The following CCDC91 variants were observed in gnomAD, a reference collection of about 807,000 sequenced individuals.
CCDC91 encodes the protein coiled-coil domain containing 91, also known as coiled-coil domain-containing protein 91.
A neutral mutation model predicts 63.2 loss-of-function variants in CCDC91; 48 were observed. That is an observed-to-expected ratio of 0.76 (90% confidence interval 0.60 to 0.97). The LOEUF (loss-of-function observed/expected upper bound fraction) is 0.97. Ranked by LOEUF, CCDC91 falls within the 50% of genes least tolerant of loss-of-function variation. The pLI, the probability that CCDC91 is intolerant of heterozygous loss-of-function variation, is 0.00. For missense variants in CCDC91, 500 were observed against 494.6 expected (o/e 1.01, Z -0.10); for synonymous variants, 167 against 165.8 (o/e 1.01, Z -0.06).
At chr12:28,527,136 T>A (rs1168266261) in intron 12 of CCDC91, among the ~76,000 whole-genome samples, 1 of 152,128 alleles carries the variant, frequency 6.6e-6, no homozygotes, top group Non-Finnish European at 1.5e-5. Flanking sequence ...TGGTCTGGAT[T>A]CATATTTGGT....
chr12:28,372,042 ATTC>A (rs1160851496), intron 7 of CCDC91, among the ~76,000 whole-genome samples: 1 of 152,140 alleles, frequency 6.6e-6, no homozygotes, highest in Non-Finnish European at 1.5e-5. Flanking sequence ...ATCCAGTTTT[ATTC>A]TTCTATATGT....
intron 12 of CCDC91, among the ~76,000 whole-genome samples, chr12:28,547,742 G>T (rs887665497): frequency 6.6e-6 from 1 of 152,014 alleles, no homozygotes; most frequent in African/African-American, 2.4e-5. Context: ...TGATTTTACA[G>T]GAGCATTTTG....
chr12:28,327,847 T>A lies in CCDC91; in HGVS notation c.576+20098T>A, dbSNP rs141315564. Among the ~76,000 whole-genome samples the A allele has an allele frequency of 3.2e-4, 48 of 152,224 alleles. No individual in the cohort carries two copies. The East Asian group carries it at 8.1e-3, about 26-fold the overall frequency. ...TCTTCAGAGGCCAAGTGAGCTGCCA[T>A]GTTGAATCTCATCAGTCTTAGCAGG... On this transcript the variant is annotated intron_variant, in intron 6 of 12. Coordinates refer to ENST00000536442, the MANE Select transcript of CCDC91 (RefSeq NM_018318.5).
At chr12:28,290,442 C>A (rs1216723586) in intron 3 of CCDC91, among the ~76,000 whole-genome samples, 1 of 152,120 alleles carries the variant, frequency 6.6e-6, no homozygotes, top group African/African-American at 2.4e-5. Context: ...ACCATTAGGT[C>A]TTTGTTCTTT....
At chr12:28,423,775 T>G (rs991950437) in intron 8 of CCDC91, among the ~76,000 whole-genome samples, 1 of 152,164 alleles carries the variant, frequency 6.6e-6, no homozygotes. Flanking sequence ...TAAAAACTAA[T>G]GTAATTTAAT....
chr12:28,286,782 T>G (rs1219630412), intron 3 of CCDC91, among the ~76,000 whole-genome samples: 2 of 152,206 alleles, frequency 1.3e-5, no homozygotes, highest in Non-Finnish European at 2.9e-5. Context: ...TTTAAGGAAT[T>G]GCCACACAGC....
At chr12:28,283,722 T>C (rs1057083671) in intron 3 of CCDC91, among the ~76,000 whole-genome samples, 2 of 152,196 alleles carry the variant, frequency 1.3e-5, no homozygotes, top group African/African-American at 4.8e-5. Flanking sequence ...ATGTATAGCT[T>C]ATACATATAG....
intron 11 of CCDC91, among the ~76,000 whole-genome samples, 169 bp from the exon 12 acceptor site, chr12:28,483,883 C>T (rs1432285394): frequency 6.6e-6 from 1 of 152,106 alleles, no homozygotes; most frequent in Non-Finnish European, 1.5e-5. Flanking sequence ...GTTCTGTGAA[C>T]TCTCTAACAG....
Position 28,501,549 on chromosome 12 carries a change from G to A in CCDC91, c.1215+17384G>A, listed in dbSNP as rs574447636. Among the ~76,000 whole-genome samples the A allele has an allele frequency of 2.2e-3, 336 of 151,900 alleles. 3 individuals are homozygous for A. The highest frequency in any genetic ancestry group is 7.7e-3 in the African/African-American group (318 of 41,480). On this transcript the variant is annotated intron_variant, in intron 12 of 12. Transcript: ENST00000536442. ...TATTGAACCAGCCTTGCATCCCAGGGATGAAGCCCACTTGATCATGGTGGA... is the reference window on the plus strand; with the variant it reads ...TATTGAACCAGCCTTGCATCCCAGGAATGAAGCCCACTTGATCATGGTGGA...
At chr12:28,485,150 C>T (rs932784932) in intron 12 of CCDC91, among the ~76,000 whole-genome samples, 1 of 150,836 alleles carries the variant, frequency 6.6e-6, no homozygotes, top group African/African-American at 2.4e-5. Context: ...TACTTTAGTC[C>T]TATACTTTTT....
intron 3 of CCDC91, among the ~76,000 whole-genome samples, chr12:28,270,621 G>A (rs530476578): frequency 4.6e-5 from 7 of 152,076 alleles, no homozygotes; most frequent in South Asian, 2.1e-4. Flanking sequence ...TTAAATGTGC[G>A]AATAAACATT....
At chr12:28,381,482 G>T (rs2638953) in intron 7 of CCDC91, among the ~76,000 whole-genome samples, 4 of 151,868 alleles carry the variant, frequency 2.6e-5, no homozygotes, top group African/African-American at 7.3e-5. Context: ...TTGGTATTTG[G>T]GCATCAGTCT....
intron 1 of CCDC91, among the ~76,000 whole-genome samples, chr12:28,201,698 G>A (rs1219693333): frequency 7.0e-6 from 1 of 143,588 alleles, no homozygotes; most frequent in African/African-American, 2.5e-5. Flanking sequence ...GGAGGTTGTA[G>A]CGAGCCGAGA....
chr12:28,232,725 C>T (rs191927063), intron 1 of CCDC91, among the ~76,000 whole-genome samples: 29 of 152,066 alleles, frequency 1.9e-4, no homozygotes, highest in African/African-American at 6.3e-4. Context: ...TATGACTGAA[C>T]GGTCAGAAAT....
At chr12:28,284,110 C>T (rs948531684) in intron 3 of CCDC91, among the ~76,000 whole-genome samples, 1 of 151,882 alleles carries the variant, frequency 6.6e-6, no homozygotes, top group Non-Finnish European at 1.5e-5. Context: ...ATGATACAGC[C>T]TTTCTTCTTC....
intron 3 of CCDC91, among the ~76,000 whole-genome samples, chr12:28,269,366 T>A (rs1232166467): frequency 6.6e-6 from 1 of 152,126 alleles, no homozygotes; most frequent in African/African-American, 2.4e-5. Context: ...TCCTTGTGAT[T>A]ATCTATTCCA....
chr12:28,268,252 A>G (rs1257200000), intron 3 of CCDC91, among the ~76,000 whole-genome samples: 1 of 151,324 alleles, frequency 6.6e-6, no homozygotes, highest in Admixed American at 6.6e-5. Context: ...TTTAGTAGAG[A>G]TGGGGTTTCA....
At chr12:28,390,537 C>T (rs1441517795) in intron 7 of CCDC91, among the ~76,000 whole-genome samples, 1 of 152,070 alleles carries the variant, frequency 6.6e-6, no homozygotes, top group Non-Finnish European at 1.5e-5. Context: ...TTCTAAGCAT[C>T]TCTAATAAGG....
chr12:28,469,814 G>A (rs1338263763), intron 11 of CCDC91, among the ~76,000 whole-genome samples: 1 of 151,992 alleles, frequency 6.6e-6, no homozygotes, highest in African/African-American at 2.4e-5. Flanking sequence ...TTTTGACAAA[G>A]GTGCCAGGAA....
Sources: gnomAD v4.1 joint callset for allele counts (sites outside exome capture counted in the v4.1 genomes callset) on GRCh38, gnomAD v4.1.1 for gene constraint, MANE v1.5 for transcripts, NCBI Gene and HGNC (gene_info 2026-07-23, HGNC 2026-07-21) for gene names.